Variants in NFE2L2 observed in about 807,000 individuals in gnomAD.
NFE2L2 encodes nuclear factor erythroid 2-related factor 2.
In NFE2L2, 20 loss-of-function variants were observed where a neutral mutation model predicts 49.6. The ratio of observed to expected loss-of-function variants is 0.40; its 90% CI spans 0.28 to 0.59. The LOEUF (loss-of-function observed/expected upper bound fraction) is 0.59, where lower values mean the gene tolerates loss of function less well. Ranked by LOEUF, NFE2L2 falls within the 20% of genes least tolerant of loss-of-function variation. The pLI is 0.40. For missense variants in NFE2L2, 578 were observed against 714.2 expected (o/e 0.81, Z 2.17); for synonymous variants, 244 against 256.5 (o/e 0.95, Z 0.47).
At chr2:177,264,404 C>G in intron 1 of NFE2L2, 128 bp downstream of exon 1, 1 of 973,618 alleles carries the variant, frequency 1.0e-6, no homozygotes, top group Non-Finnish European at 1.4e-6. Context: ...CTCTACCCAG[C>G]GCCGCGGTCC....
chr2:177,254,129 C>A (rs1019206092), intron 1 of NFE2L2, among the ~76,000 whole-genome samples: 2 of 152,114 alleles, frequency 1.3e-5, no homozygotes, highest in African/African-American at 4.8e-5. Flanking sequence ...AAAATAGTAA[C>A]AATGTTTAGT....
In NFE2L2 at chr2:177,231,457, A is replaced by G; in HGVS notation, c.1146T>C (p.Asp382=). The G allele has an allele frequency of 3.1e-6, 5 of 1,614,224 alleles. No individual in the cohort carries two copies. The highest frequency in any genetic ancestry group is 3.4e-6 in the Non-Finnish European group (4 of 1,180,026). The part of the protein sequence containing the change: ...GLSDSEVEEL[D]SAPGSVKQNG... Reference sequence around the variant, plus strand: ...TCTGTTTGACACTTCCAGGGGCACTATCTAGCTCTTCCACTTCAGAATCAC... The same window carrying G: ...TCTGTTTGACACTTCCAGGGGCACTGTCTAGCTCTTCCACTTCAGAATCAC... Residue 382 remains aspartate (D), a synonymous_variant, in exon 5 of 5, where the codon GAT becomes GAC. Transcript: ENST00000397062.
At chr2:177,232,839 A>G in intron 3 of NFE2L2, 1 of 510,070 alleles carries the variant, frequency 2.0e-6, no homozygotes, top group Non-Finnish European at 3.5e-6. Flanking sequence ...TTTAGGATTT[A>G]GTTTATATAA....
rs1353593558 is a variant in NFE2L2, at chr2:177,231,802, T to C, written c.801A>G (p.Thr267=). The change falls in exon 5 of 5, where the codon ACA becomes ACG. Residue 267 remains threonine (T), a synonymous_variant. Coordinates refer to ENST00000397062, the MANE Select transcript of NFE2L2 (RefSeq NM_006164.5). ...TGGCATCTGAATTTAATGAGTTCAC[T>C]GTCAACTGGTTGGGGTCTTCTGTGG... ...ILSTEDPNQL[T]VNSLNSDATV... 1 of 1,614,228 alleles carries C rather than the reference T, an allele frequency of 6.2e-7. No homozygotes were observed. The highest frequency in any genetic ancestry group is 1.7e-5 in the Admixed American group (1 of 60,026).
At chr2:177,263,396 C>A in intron 1 of NFE2L2, 1 of 985,500 alleles carries the variant, frequency 1.0e-6, no homozygotes, top group Non-Finnish European at 1.2e-6. Context: ...ACACTCGCAA[C>A]TCTTACCCTT....
intron 1 of NFE2L2, among the ~76,000 whole-genome samples, chr2:177,257,598 T>C (rs1456499842): frequency 6.6e-6 from 1 of 152,224 alleles, no homozygotes; most frequent in African/African-American, 2.4e-5. Flanking sequence ...TAAATCACTA[T>C]ATACTTCAAT....
chr2:177,240,633 T>C (rs1247547040), intron 1 of NFE2L2, among the ~76,000 whole-genome samples: 1 of 152,204 alleles, frequency 6.6e-6, no homozygotes, highest in Non-Finnish European at 1.5e-5. Flanking sequence ...AAAAAATATA[T>C]ATCATCATTT....
chr2:177,245,026 A>G (rs928619295), intron 1 of NFE2L2, among the ~76,000 whole-genome samples: 2 of 126,576 alleles, frequency 1.6e-5, no homozygotes, highest in African/African-American at 5.9e-5. Flanking sequence ...AAAAAAAAAA[A>G]GTAAATACAT....
At chr2:177,258,589 A>G (rs1690616273) in intron 1 of NFE2L2, among the ~76,000 whole-genome samples, 1 of 152,248 alleles carries the variant, frequency 6.6e-6, no homozygotes, top group African/African-American at 2.4e-5. Flanking sequence ...TTAAATGGGT[A>G]AATTGTAAGG....
At chr2:177,256,743 C>G (rs969722605) in intron 1 of NFE2L2, among the ~76,000 whole-genome samples, 1 of 151,122 alleles carries the variant, frequency 6.6e-6, no homozygotes, top group African/African-American at 2.5e-5. Context: ...ACTAAATACA[C>G]CCCCCCAACA....
At chr2:177,251,622 A>T (rs1246586670) in intron 1 of NFE2L2, among the ~76,000 whole-genome samples, 2 of 152,128 alleles carry the variant, frequency 1.3e-5, no homozygotes, top group African/African-American at 4.8e-5. Context: ...CTCCACAACA[A>T]CCAGGACCTC....
rs770446083 is a variant in NFE2L2 at position 177,237,518 on chromosome 2, CTTTAT to C, written c.46-3252_46-3248del. 2.7e-4 allele frequency among the ~76,000 whole-genome samples: 41 copies of C among 151,744 alleles called. 1 individual carries two copies. The highest frequency in any genetic ancestry group is 1.8e-3 in the Admixed American group (27 of 15,246). ...AAATTCAAAGGTATAGAGAAACCTA[CTTTAT>C]TTTATTTTTTTTTGAGACGGAGTCT... is the stretch of plus-strand genomic sequence containing the variant. On this transcript the variant is annotated intron_variant, in intron 1 of 4. Coordinates refer to ENST00000397062, the MANE Select transcript of NFE2L2 (RefSeq NM_006164.5).
chr2:177,257,171 G>A (rs1690555559), intron 1 of NFE2L2, among the ~76,000 whole-genome samples: 1 of 152,242 alleles, frequency 6.6e-6, no homozygotes, highest in Non-Finnish European at 1.5e-5. Flanking sequence ...TTTTAACGGA[G>A]GAAGATAATG....
intron 1 of NFE2L2, among the ~76,000 whole-genome samples, chr2:177,261,745 TTATC>T (rs1367373520): frequency 6.6e-6 from 1 of 152,200 alleles, no homozygotes; most frequent in Non-Finnish European, 1.5e-5. Context: ...GCCCAGTAAC[TTATC>T]TATTATTATC....
intron 1 of NFE2L2, among the ~76,000 whole-genome samples, chr2:177,262,382 GCT>G (rs1439189601): frequency 6.6e-6 from 1 of 152,120 alleles, no homozygotes; most frequent in Non-Finnish European, 1.5e-5. Flanking sequence ...TGAATCTAAG[GCT>G]CTCCTTACTG....
At chr2:177,259,158 C>T (rs1574284631) in intron 1 of NFE2L2, among the ~76,000 whole-genome samples, 1 of 152,186 alleles carries the variant, frequency 6.6e-6, no homozygotes, top group Admixed American at 6.5e-5. Context: ...AAAAATTAAC[C>T]GGGCGTGGCG....
rs1273751022 is a variant in NFE2L2 at position 177,232,517 on chromosome 2, T to C, written c.469A>G (p.Ile157Val). 4 of 1,613,992 alleles carry C rather than the reference T, an allele frequency of 2.5e-6. No homozygotes were observed. Among genetic ancestry groups the C allele is most frequent in the East Asian group, 2.2e-5 (1 of 44,894 alleles). The part of the protein sequence containing the change: ...IPGHIESPVF[I>V]ATNQAQSPET... ...GGTGACTGAGCCTGATTAGTAGCAATGAAGACTGGGCTCTCGATGTGACCG... is the reference window on the plus strand; with the variant it reads ...GGTGACTGAGCCTGATTAGTAGCAACGAAGACTGGGCTCTCGATGTGACCG... The change falls in exon 4 of 5, where the codon ATT becomes GTT. Residue 157 changes from isoleucine (I) to valine (V), a missense_variant. Coordinates refer to ENST00000397062, the MANE Select transcript of NFE2L2 (RefSeq NM_006164.5).
chr2:177,259,314 C>G (rs1193237943), intron 1 of NFE2L2, among the ~76,000 whole-genome samples: 2 of 151,808 alleles, frequency 1.3e-5, no homozygotes, highest in Non-Finnish European at 2.9e-5. Context: ...AAAAAAAAGA[C>G]GAACTTGGTG....
chr2:177,231,966 C>A lies in NFE2L2; in HGVS notation c.637G>T (p.Val213Phe), dbSNP rs369394957. 4.3e-6 allele frequency: 7 copies of A among 1,613,184 alleles called. No individual in the cohort carries two copies. Among genetic ancestry groups the A allele is most frequent in the African/African-American group, 1.3e-5 (1 of 74,836 alleles). The change falls in exon 5 of 5, where the codon GTT becomes TTT. Residue 213 changes from valine (V) to phenylalanine (F), a missense_variant. Physicochemically the swap from Val to Phe is conservative, Grantham distance 50 (BLOSUM62 -1). Coordinates refer to ENST00000397062, the MANE Select transcript of NFE2L2 (RefSeq NM_006164.5). ...GTCAGTTTGGCTTCTGGACTTGGAACCATGGTAGTCTCAACCAGCTTGTCA... is the reference window on the plus strand; with the variant it reads ...GTCAGTTTGGCTTCTGGACTTGGAAACATGGTAGTCTCAACCAGCTTGTCA... ...ENDKLVETTMVPSPEAKLTEV... is the reference protein window; with the variant it reads ...ENDKLVETTMFPSPEAKLTEV...
Sources: allele counts gnomAD v4.1 joint callset (sites outside exome capture counted in the v4.1 genomes callset), GRCh38; gene constraint gnomAD v4.1.1; transcripts MANE v1.5; gene names NCBI Gene and HGNC (gene_info 2026-07-23, HGNC 2026-07-21).